TBC1D4: variants seen among roughly 807,000 people sequenced by gnomAD.
The protein encoded by TBC1D4 is TBC (Tre-2, BUB2, CDC16) domain-containing protein.
TBC1D4 carries 121 observed loss-of-function variants against 142.5 expected under a neutral mutation model. The observed-to-expected ratio is 0.85, with a 90% CI of 0.73 to 0.99. The LOEUF (loss-of-function observed/expected upper bound fraction) is 0.99. Among genes scored for constraint, TBC1D4 ranks in the 50% least tolerant of loss-of-function variants. The pLI, the probability that TBC1D4 is intolerant of heterozygous loss-of-function variation, is 0.00. For synonymous variants in TBC1D4, 630 were observed against 628.2 expected (o/e 1.00, Z -0.04); for missense variants, 1,475 against 1,606.6 (o/e 0.92, Z 1.40).
In TBC1D4 at chr13:75,401,108, G is replaced by A. The variant is rs150976861; in HGVS notation, c.499-38501C>T. ...ATCTCTCATCCATCTCTAATATGCTGTGGTATCAAAATGCTTTCAAAAATG... is the reference window on the plus strand; with the variant it reads ...ATCTCTCATCCATCTCTAATATGCTATGGTATCAAAATGCTTTCAAAAATG... On this transcript the variant is annotated intron_variant, in intron 1 of 20. Coordinates refer to ENST00000377636, the MANE Select transcript of TBC1D4 (RefSeq NM_014832.5). Among the ~76,000 whole-genome samples, 264 of 152,240 alleles carry A rather than the reference G, an allele frequency of 1.7e-3. 2 individuals are homozygous for A. The highest frequency in any genetic ancestry group is 6.1e-3 in the African/African-American group (255 of 41,550).
intron 1 of TBC1D4, among the ~76,000 whole-genome samples, chr13:75,475,342 T>C (rs1279902779): frequency 1.3e-5 from 2 of 152,244 alleles, no homozygotes; most frequent in Admixed American, 1.3e-4. Flanking sequence ...GTTCTTCACT[T>C]TCCAAGGGGC....
At chr13:75,304,782 T>C (rs1407903928) in intron 15 of TBC1D4, among the ~76,000 whole-genome samples, 1 of 151,536 alleles carries the variant, frequency 6.6e-6, no homozygotes, top group Non-Finnish European at 1.5e-5. Flanking sequence ...AGATGGGAAA[T>C]GAGAATGTAG....
At chr13:75,344,444 C>G (rs78957006) in intron 5 of TBC1D4, among the ~76,000 whole-genome samples, 2,072 of 152,288 alleles carry the variant, frequency 0.014, 38 homozygotes, top group African/African-American at 0.044. Context: ...TTCCATGAAT[C>G]TGATTGGACT....
rs998550033 is a variant in TBC1D4 at position 75,359,831 on chromosome 13, T to C, written c.1108A>G (p.Ser370Gly). The C allele has an allele frequency of 3.7e-6, 6 of 1,613,596 alleles. No individual in the cohort carries two copies. Among genetic ancestry groups the C allele is most frequent in the Non-Finnish European group, 5.1e-6 (6 of 1,179,772 alleles). ...QVGRFEINLISPDTKSVVLEK... is the reference protein window; with the variant it reads ...QVGRFEINLIGPDTKSVVLEK... Reference sequence around the variant, plus strand: ...AGCACAACTGATTTAGTGTCTGGACTGATAAGGTTAATCTCAAATCGCCCA... The same window carrying C: ...AGCACAACTGATTTAGTGTCTGGACCGATAAGGTTAATCTCAAATCGCCCA... The change falls in exon 3 of 21, where the codon AGT becomes GGT. Residue 370 changes from serine (S) to glycine (G), a missense_variant. This residue lies in a region of TBC1D4 where 1,227 missense variants were observed against 1,267.7 expected (regional missense o/e 0.97). Coordinates refer to ENST00000377636, the MANE Select transcript of TBC1D4 (RefSeq NM_014832.5).
At chr13:75,441,629 A>G (rs923591623) in intron 1 of TBC1D4, among the ~76,000 whole-genome samples, 1 of 152,230 alleles carries the variant, frequency 6.6e-6, no homozygotes, top group Non-Finnish European at 1.5e-5. Context: ...GTCTATGCAC[A>G]TGTATAGATT....
intron 5 of TBC1D4, among the ~76,000 whole-genome samples, chr13:75,341,831 G>A (rs886079295): frequency 1.3e-5 from 2 of 152,126 alleles, no homozygotes; most frequent in African/African-American, 2.4e-5. Flanking sequence ...TACTAACAAC[G>A]GGCCGGGCAC....
chr13:75,354,257 T>G (rs1881854615), intron 4 of TBC1D4, among the ~76,000 whole-genome samples: 2 of 152,188 alleles, frequency 1.3e-5, no homozygotes, highest in South Asian at 2.1e-4. Context: ...CCCTTAACAG[T>G]GAGGCATACA....
chr13:75,288,871 A>T (rs1874961506), intron 20 of TBC1D4, 63 bp downstream of exon 20: 1 of 1,532,968 alleles, frequency 6.5e-7, no homozygotes, highest in African/African-American at 1.4e-5. Context: ...TTCATTCCTG[A>T]GGTAGTTCTG....
At chr13:75,317,127 G>A (rs1878383965) in intron 12 of TBC1D4, among the ~76,000 whole-genome samples, 1 of 152,168 alleles carries the variant, frequency 6.6e-6, no homozygotes, top group African/African-American at 2.4e-5. Context: ...TAAAGTGAAG[G>A]AACCAGGATG....
chr13:75,328,962 C>A (rs778331284), intron 8 of TBC1D4, among the ~76,000 whole-genome samples: 1 of 152,172 alleles, frequency 6.6e-6, no homozygotes, highest in East Asian at 1.9e-4. Flanking sequence ...CAAAAGCGAA[C>A]CTTGAAATTA....
In TBC1D4 at chr13:75,288,844, TC is replaced by T. The variant is rs573478691; in HGVS notation, c.3663+89del. ...GGGCTCTTGGTTAGCAATGGTTCAT[TC>T]CACGCACATATCCCTTTCATTCCTG... On this transcript the variant is annotated intron_variant, in intron 20 of 20. Coordinates refer to ENST00000377636, the MANE Select transcript of TBC1D4 (RefSeq NM_014832.5). 28 of 1,368,448 alleles carry T rather than the reference TC, an allele frequency of 2.0e-5. No homozygotes were observed. The South Asian group carries it at 2.8e-4, about 14-fold the overall frequency. The allele number at this position is 1,368,448 out of a possible 1,614,324, so 84.8% of individuals were successfully genotyped here.
At chr13:75,377,460 T>C (rs181168929) in intron 1 of TBC1D4, among the ~76,000 whole-genome samples, 133 of 152,178 alleles carry the variant, frequency 8.7e-4, no homozygotes, top group African/African-American at 2.8e-3. Context: ...AATGCAGGTT[T>C]CAAAATGGCC....
At chr13:75,355,822 A>G (rs1881996749) in intron 4 of TBC1D4, among the ~76,000 whole-genome samples, 1 of 152,246 alleles carries the variant, frequency 6.6e-6, no homozygotes, top group South Asian at 2.1e-4. Flanking sequence ...TAAAAGATCA[A>G]TGGCCTTCCT....
intron 1 of TBC1D4, among the ~76,000 whole-genome samples, chr13:75,473,407 G>A (rs941379483): frequency 6.6e-6 from 1 of 152,168 alleles, no homozygotes; most frequent in African/African-American, 2.4e-5. Context: ...AGATTTGTTC[G>A]ACCAGAAGCA....
intron 1 of TBC1D4, among the ~76,000 whole-genome samples, chr13:75,400,306 C>T (rs1885018653): frequency 6.6e-6 from 1 of 152,102 alleles, no homozygotes; most frequent in Non-Finnish European, 1.5e-5. Context: ...CCACTGTTTA[C>T]ATGGTTCCCA....
At chr13:75,454,528 T>C (rs528705046) in intron 1 of TBC1D4, among the ~76,000 whole-genome samples, 4 of 152,326 alleles carry the variant, frequency 2.6e-5, no homozygotes, top group South Asian at 4.1e-4. Context: ...CATGCAAAAA[T>C]TGCTTCCAAC....
At chr13:75,297,767 A>AG (rs1412176891) in intron 17 of TBC1D4, among the ~76,000 whole-genome samples, 2 of 151,176 alleles carry the variant, frequency 1.3e-5, no homozygotes, top group East Asian at 3.9e-4. Flanking sequence ...CAAAAAAAAA[A>AG]AAAACGATAA....
rs1874506377 is a variant in TBC1D4, at chr13:75,284,557, C to T, written c.*2235G>A. On this transcript the variant is annotated 3_prime_UTR_variant, in exon 21 of 21. Coordinates refer to ENST00000377636, the MANE Select transcript of TBC1D4 (RefSeq NM_014832.5). ...GCAGTCATGCTTGCTCGCATGCCCA[C>T]CACTGCTGTGCAGCCTGGTTCATAA... The T allele has an allele frequency of 6.6e-6, 1 of 152,258 alleles. No individual in the cohort carries two copies. The highest frequency in any genetic ancestry group is 1.5e-5 in the Non-Finnish European group (1 of 68,086). 9.4% of individuals were successfully genotyped at this position (152,258 alleles called of 1,614,324 possible).
In TBC1D4 at chr13:75,349,264, A is replaced by G. The variant is rs1881411367; in HGVS notation, c.1314T>C (p.Ser438=). The G allele has an allele frequency of 6.2e-7, 1 of 1,613,890 alleles. No individual in the cohort carries two copies. The highest frequency in any genetic ancestry group is 8.5e-7 in the Non-Finnish European group (1 of 1,179,940). Residue 438 remains serine (S), a synonymous_variant, in exon 5 of 21, where the codon AGT becomes AGC. Transcript: ENST00000377636. ...TGGCACTCTGCAGGGCAGCCGCCGT[A>G]CTGAAGGCCTGTTTCAGAGTCAGCA... ...EVMLTLKQAF[S]TAAALQSAKT...
Sources: gnomAD v4.1 joint callset for allele counts (sites outside exome capture counted in the v4.1 genomes callset) on GRCh38, gnomAD v4.1.1 for gene constraint, gnomAD v4.1.1 regional missense constraint, MANE v1.5 for transcripts, NCBI Gene and HGNC (gene_info 2026-07-23, HGNC 2026-07-21) for gene names.